The following PCDHA6 variants were observed in gnomAD, a reference collection of about 807,000 sequenced individuals.
The protein encoded by PCDHA6 is protocadherin alpha 6.
Under a neutral mutation model 60.3 loss-of-function variants are expected in PCDHA6, and 55 were observed. That is an observed-to-expected ratio of 0.91 (90% CI 0.73 to 1.14). The LOEUF (loss-of-function observed/expected upper bound fraction) is 1.14, where lower values mean the gene tolerates loss of function less well. PCDHA6 is among the 50% of genes most tolerant of loss of function. PCDHA6 has a pLI of 0.00. For missense variants in PCDHA6, 1,327 were observed against 1,256.5 expected (o/e 1.06, Z -0.85); for synonymous variants, 652 against 557.9 (o/e 1.17, Z -2.38).
chr5:140,891,921 C>G (rs1405172226), intron 1 of PCDHA6, among the ~76,000 whole-genome samples: 1 of 152,234 alleles, frequency 6.6e-6, no homozygotes, highest in African/African-American at 2.4e-5. Flanking sequence ...ATGCTGGTGC[C>G]TTGATCTTGG....
chr5:140,876,961 C>G (rs782051302), intron 1 of PCDHA6: 16 of 1,613,036 alleles, frequency 9.9e-6, no homozygotes, highest in South Asian at 8.8e-5. Context: ...GCTGGTGGAG[C>G]GGCGGGTGGG....
chr5:140,830,895 T>C (rs2150190281), intron 1 of PCDHA6: 4 of 152,692 alleles, frequency 2.6e-5, no homozygotes, highest in Non-Finnish European at 2.9e-5. Flanking sequence ...GTATCACTTA[T>C]GTTTTTACAC....
chr5:140,978,810 G>C, intron 1 of PCDHA6, 139 bp from the exon 2 acceptor site: 2 of 1,500,034 alleles, frequency 1.3e-6, no homozygotes, highest in Non-Finnish European at 1.8e-6. Flanking sequence ...TATCATCATA[G>C]AGTTACACAT....
chr5:140,851,300 A>G (rs2042018039), intron 1 of PCDHA6: 2 of 1,017,502 alleles, frequency 2.0e-6, no homozygotes, highest in East Asian at 1.2e-4. Context: ...GCAAAAATAT[A>G]TAGCAATTGT....
intron 2 of PCDHA6, among the ~76,000 whole-genome samples, chr5:140,981,645 A>G (rs2096941816): frequency 6.6e-6 from 1 of 152,126 alleles, no homozygotes; most frequent in Admixed American, 6.6e-5. Context: ...TTCTCTTAGG[A>G]TCCCACTTAT....
chr5:140,915,324 T>G (rs782080439), intron 1 of PCDHA6, among the ~76,000 whole-genome samples: 1 of 152,210 alleles, frequency 6.6e-6, no homozygotes, highest in Non-Finnish European at 1.5e-5. Flanking sequence ...ATTACAGTGT[T>G]ATAATATTCT....
chr5:140,999,505 A>C (rs1221080631), intron 3 of PCDHA6, among the ~76,000 whole-genome samples: 3 of 152,134 alleles, frequency 2.0e-5, no homozygotes, highest in African/African-American at 7.2e-5. Flanking sequence ...AAGAACCTAC[A>C]TTTTAAGCAT....
Position 140,870,153 on chromosome 5 carries a change from C to T in PCDHA6, c.2394+39668C>T, listed in dbSNP as rs537593818. 3.1e-6 allele frequency: 5 copies of T among 1,613,972 alleles called. No individual in the cohort carries two copies. The East Asian group carries it at 8.9e-5, about 29-fold the overall frequency. On this transcript the variant is annotated intron_variant, in intron 1 of 3. Transcript: ENST00000529310. ...CCAACGATAACTCTCCTGAAGTCGC[C>T]GTGACTTCCTTGTCCCTCCCAGTAC...
intron 1 of PCDHA6, chr5:140,927,951 T>G: frequency 6.2e-7 from 1 of 1,614,198 alleles, no homozygotes; most frequent in Non-Finnish European, 8.5e-7. Context: ...CTGAGGACGC[T>G]GCCCCTGGCA....
intron 1 of PCDHA6, among the ~76,000 whole-genome samples, chr5:140,908,751 C>T (rs1302522906): frequency 6.6e-6 from 1 of 152,170 alleles, no homozygotes; most frequent in Non-Finnish European, 1.5e-5. Context: ...GCAACTTGCA[C>T]ACAGCCTGGA....
intron 3 of PCDHA6, among the ~76,000 whole-genome samples, chr5:140,986,642 T>C (rs1213431039): frequency 6.6e-6 from 1 of 152,174 alleles, no homozygotes; most frequent in Non-Finnish European, 1.5e-5. Flanking sequence ...ACATTAGTTT[T>C]AGAGTGGGAG....
chr5:140,946,297 T>C (rs1238627119), intron 1 of PCDHA6, among the ~76,000 whole-genome samples: 5 of 151,730 alleles, frequency 3.3e-5, no homozygotes, highest in Non-Finnish European at 7.4e-5. Flanking sequence ...ACCTCACACC[T>C]GGTAGAATGG....
chr5:140,851,049 T>G (rs114642351), intron 1 of PCDHA6: 1 of 1,386,514 alleles, frequency 7.2e-7, no homozygotes, highest in African/African-American at 1.5e-5. Flanking sequence ...GAGCCGACTT[T>G]GTCTTGACTT....
intron 1 of PCDHA6, chr5:140,860,591 G>A (rs1379623651): frequency 6.6e-6 from 1 of 152,168 alleles, no homozygotes; most frequent in Non-Finnish European, 1.5e-5. Context: ...TAGGAAAGGA[G>A]TTGGAAGCTC....
intron 1 of PCDHA6, among the ~76,000 whole-genome samples, chr5:140,840,501 C>T (rs956640130): frequency 7.9e-5 from 12 of 151,956 alleles, no homozygotes; most frequent in African/African-American, 2.9e-4. Flanking sequence ...GGTAAATACT[C>T]ACTTTTTGGA....
chr5:140,884,125 C>T (rs1554181246), intron 1 of PCDHA6: 1 of 1,613,416 alleles, frequency 6.2e-7, no homozygotes, highest in Admixed American at 1.7e-5. Context: ...TCGGCGCGCG[C>T]ATCCCGTTCC....
intron 1 of PCDHA6, chr5:140,858,330 G>A: frequency 6.3e-7 from 1 of 1,596,082 alleles, no homozygotes. Context: ...TCTGGGGAGG[G>A]CCTGCCCAAG....
At position 140,829,748 on chromosome 5, in the gene PCDHA6, G is replaced by T. The variant is rs1179697520; in HGVS notation, c.1657G>T (p.Val553Leu). Residue 553 changes from valine (V) to leucine (L), a missense_variant, in exon 1 of 4, where the codon GTG (valine) becomes TTG (leucine). Physicochemically the swap from Val to Leu is conservative, Grantham distance 32. Coordinates refer to ENST00000529310, the MANE Select transcript of PCDHA6 (RefSeq NM_018909.4). ...PPLGSNVTLQ[V>L]FVLDENDNAP... The stretch of plus-strand genomic sequence containing the variant: ...TCTGGGCAGCAACGTGACGCTGCAG[G>T]TGTTCGTGCTGGACGAGAACGACAA... 1.9e-6 allele frequency: 3 copies of T among 1,613,604 alleles called. No individual in the cohort carries two copies. The highest frequency in any genetic ancestry group is 2.2e-5 in the South Asian group (2 of 91,076).
At chr5:140,871,380 T>G in intron 1 of PCDHA6, 1 of 1,614,184 alleles carries the variant, frequency 6.2e-7, no homozygotes, top group East Asian at 2.2e-5. Context: ...GGGTGTGCTC[T>G]GAGGAGGGCC....
Sources: allele counts gnomAD v4.1 joint callset (sites outside exome capture counted in the v4.1 genomes callset), GRCh38; gene constraint gnomAD v4.1.1; transcripts MANE v1.5; gene names NCBI Gene and HGNC (gene_info 2026-07-23, HGNC 2026-07-21).